The following ASAH2 variants were observed in gnomAD, a reference collection of about 807,000 sequenced individuals.
ASAH2 encodes neutral ceramidase.
A neutral mutation model predicts 82.9 loss-of-function variants in ASAH2; 58 were observed. The observed-to-expected ratio is 0.70, with a 90% CI of 0.57 to 0.87. The LOEUF (loss-of-function observed/expected upper bound fraction) is 0.87. ASAH2 is among the 40% of genes least tolerant of loss of function. ASAH2 has a pLI of 0.00. For missense variants in ASAH2, 779 were observed against 834.0 expected (o/e 0.93, Z 0.81); for synonymous variants, 276 against 289.7 (o/e 0.95, Z 0.48).
intron 7 of ASAH2, among the ~76,000 whole-genome samples, chr10:50,229,017 A>C (rs913976556): frequency 6.6e-6 from 1 of 152,190 alleles, no homozygotes; most frequent in Non-Finnish European, 1.5e-5. Flanking sequence ...TGCCTTCGTA[A>C]GTGTAGCTAT....
Position 50,187,023 on chromosome 10 carries a change from T to C in ASAH2, c.*292A>G. 1 of 373,232 alleles carries C rather than the reference T, an allele frequency of 2.7e-6. No individual in the cohort carries two copies. The allele number at this position is 373,232 out of a possible 1,614,324, so 23.1% of individuals were successfully genotyped here. On this transcript the variant is annotated 3_prime_UTR_variant, in exon 21 of 21. Transcript: ENST00000682911. The stretch of plus-strand genomic sequence containing the variant: ...AACAACCCCAAGACTTCAAGGGAAA[T>C]CATGCTTTAGGCTGTAGACCACAAG...
chr10:50,224,274 T>C (rs1845821616), intron 7 of ASAH2, among the ~76,000 whole-genome samples: 1 of 152,186 alleles, frequency 6.6e-6, no homozygotes, highest in African/African-American at 2.4e-5. Context: ...AAATGTTCAC[T>C]ACAAGAATAT....
At chr10:50,216,550 C>T (rs899055201) in intron 8 of ASAH2, among the ~76,000 whole-genome samples, 133 of 152,212 alleles carry the variant, frequency 8.7e-4, no homozygotes, top group African/African-American at 3.1e-3. Context: ...CTCAGAGATC[C>T]CTTTGCCCTT....
At chr10:50,244,787 C>T (rs929170696) in intron 3 of ASAH2, among the ~76,000 whole-genome samples, 1 of 152,112 alleles carries the variant, frequency 6.6e-6, no homozygotes, top group African/African-American at 2.4e-5. Flanking sequence ...CAGCCCTGAG[C>T]CCCCATTTCT....
Position 50,240,679 on chromosome 10 carries a change from G to C in ASAH2, c.510+2523C>G. 4.4e-6 allele frequency: 3 copies of C among 687,146 alleles called. No homozygotes were observed. In the South Asian group the frequency reaches 4.7e-5, roughly 11 times the overall value. 42.6% of individuals were successfully genotyped at this position (687,146 alleles called of 1,614,324 possible). On this transcript the variant is annotated intron_variant, in intron 4 of 20. Transcript: ENST00000682911. ...AGATCTCCTCTGTTCCCTCATGAAA[G>C]AGTCTACATCCCTCCTTTGTGCCTC...
At chr10:50,242,454 GC>G (rs1846327754) in intron 4 of ASAH2, among the ~76,000 whole-genome samples, 1 of 152,194 alleles carries the variant, frequency 6.6e-6, no homozygotes, top group Non-Finnish European at 1.5e-5. Flanking sequence ...CAATGCTCCA[GC>G]CGCTCTTCTT....
chr10:50,199,889 C>T (rs1339714741), intron 16 of ASAH2, among the ~76,000 whole-genome samples: 4 of 151,598 alleles, frequency 2.6e-5, no homozygotes, highest in African/African-American at 4.9e-5. Context: ...TAGATTTCAC[C>T]TTAGTTCAAA....
At chr10:50,232,790 C>A (rs1401080811) in intron 7 of ASAH2, among the ~76,000 whole-genome samples, 1 of 152,082 alleles carries the variant, frequency 6.6e-6, no homozygotes, top group Admixed American at 6.6e-5. Context: ...TAATCACTTT[C>A]CTGGTTGGTT....
At chr10:50,214,942 A>G in intron 8 of ASAH2, 74 bp from the exon 9 acceptor site, 3 of 1,573,000 alleles carry the variant, frequency 1.9e-6, no homozygotes, top group Non-Finnish European at 2.6e-6. Flanking sequence ...AAATACAAAC[A>G]TTAAATCCAC....
chr10:50,213,364 C>A (rs1388634468), intron 9 of ASAH2, among the ~76,000 whole-genome samples: 1 of 152,142 alleles, frequency 6.6e-6, no homozygotes, highest in Non-Finnish European at 1.5e-5. Flanking sequence ...GAAGCCAGGT[C>A]TTTCTATTGA....
chr10:50,236,943 A>G (rs1011888139), intron 4 of ASAH2, among the ~76,000 whole-genome samples: 169 of 152,278 alleles, frequency 1.1e-3, no homozygotes, highest in Non-Finnish European at 1.6e-3. Context: ...AAAGACAGTA[A>G]GCAAGCAAAT....
intron 8 of ASAH2, among the ~76,000 whole-genome samples, chr10:50,215,200 G>T (rs1845561650): frequency 6.6e-6 from 1 of 152,064 alleles, no homozygotes; most frequent in Non-Finnish European, 1.5e-5. Context: ...TATGGTTTTG[G>T]GTCTTACGTT....
intron 2 of ASAH2, among the ~76,000 whole-genome samples, chr10:50,248,045 T>C (rs755259991): frequency 1.3e-5 from 2 of 152,162 alleles, no homozygotes; most frequent in Non-Finnish European, 2.9e-5. Context: ...CTTGTAAGGA[T>C]TTACGTTTGA....
At chr10:50,221,627 T>TTGTGTG (rs1364076496) in intron 7 of ASAH2, among the ~76,000 whole-genome samples, 277 of 144,762 alleles carry the variant, frequency 1.9e-3, no homozygotes, top group Middle Eastern at 7.3e-3. Flanking sequence ...TGAATTCAGG[T>TTGTGTG]TGTATGTGTG....
At chr10:50,230,751 T>G (rs1356168694) in intron 7 of ASAH2, among the ~76,000 whole-genome samples, 1 of 152,046 alleles carries the variant, frequency 6.6e-6, no homozygotes, top group Non-Finnish European at 1.5e-5. Context: ...ATTAAATGAT[T>G]CAAAAACTGG....
rs938298149 is a variant in ASAH2, at chr10:50,212,964, T to G, written c.1227+8A>C. ...ACAAAGATTAAAGGAGCGAGGCCCA[T>G]GGCTTACCTTTGCTCTCTGATACAT... On this transcript the variant is annotated splice_region_variant and intron_variant, in intron 10 of 20. Transcript: ENST00000682911. 1.2e-6 allele frequency: 2 copies of G among 1,612,622 alleles called. No homozygotes were observed. The highest frequency in any genetic ancestry group is 4.5e-5 in the East Asian group (2 of 44,864).
In ASAH2 at chr10:50,245,112, AG is replaced by A. The variant is rs1191175643; in HGVS notation, c.360+109del. ...TAGACAGCAGCAAGGTCAATTAAAA[AG>A]CTAAAAGAAGATAATGATGATGTTG... On this transcript the variant is annotated intron_variant, in intron 3 of 20. Transcript: ENST00000682911. 1.7e-5 allele frequency: 17 copies of A among 993,868 alleles called. No homozygotes were observed. The Admixed American group carries it at 3.4e-4, about 20-fold the overall frequency. The allele number at this position is 993,868 out of a possible 1,614,324, so 61.6% of individuals were successfully genotyped here.
At chr10:50,244,363 A>G (rs986025043) in intron 3 of ASAH2, among the ~76,000 whole-genome samples, 2 of 151,482 alleles carry the variant, frequency 1.3e-5, no homozygotes, top group Admixed American at 6.6e-5. Context: ...AAATTTACCC[A>G]TAAAACTACA....
At chr10:50,205,776 G>C (rs1845276723) in intron 13 of ASAH2, among the ~76,000 whole-genome samples, 1 of 151,814 alleles carries the variant, frequency 6.6e-6, no homozygotes, top group Admixed American at 6.6e-5. Flanking sequence ...TTAATCATAA[G>C]TGCAATAGGT....
Sources: gnomAD v4.1 joint callset for allele counts (sites outside exome capture counted in the v4.1 genomes callset) on GRCh38, gnomAD v4.1.1 for gene constraint, MANE v1.5 for transcripts, NCBI Gene and HGNC (gene_info 2026-07-23, HGNC 2026-07-21) for gene names.